CACNA1D: variants seen among roughly 807,000 people sequenced by gnomAD.
CACNA1D encodes calcium voltage-gated channel subunit alpha1 D, also known as voltage-dependent L-type calcium channel subunit alpha-1D.
A neutral mutation model predicts 257.1 loss-of-function variants in CACNA1D; 55 were observed. That is an observed-to-expected ratio of 0.21 (90% CI 0.17 to 0.27). The LOEUF (loss-of-function observed/expected upper bound fraction) is 0.27, where lower values mean the gene tolerates loss of function less well. Among genes scored for constraint, CACNA1D ranks in the 10% least tolerant of loss-of-function variants. CACNA1D has a pLI of 1.00. For missense variants in CACNA1D, 1,876 were observed against 2,784.0 expected (o/e 0.67, Z 7.34); for synonymous variants, 980 against 1,014.9 (o/e 0.97, Z 0.65).
Position 53,550,511 on chromosome 3 carries a change from C to T in CACNA1D, c.483+48791C>T, listed in dbSNP as rs184103140. ...TGGGTCAGGCACCATGTGACCTGCT[C>T]ACTGCCAGTTTCTTCTTTGAATAGA... On this transcript the variant is annotated intron_variant, in intron 3 of 47. Transcript: ENST00000350061. Among the ~76,000 whole-genome samples, 13 of 152,350 alleles carry T rather than the reference C, an allele frequency of 8.5e-5. 1 individual carries two copies. The East Asian group carries it at 1.9e-3, about 23-fold the overall frequency.
chr3:53,546,363 GTCTGAA>G (rs1471503245), intron 3 of CACNA1D, among the ~76,000 whole-genome samples: 1 of 61,630 alleles, frequency 1.6e-5, no homozygotes, highest in Non-Finnish European at 3.1e-5. Context: ...ACCTCTGTGG[GTCTGAA>G]TTTGGGGTAG....
At chr3:53,741,121 G>A (rs1205326369) in intron 21 of CACNA1D, among the ~76,000 whole-genome samples, 1 of 152,124 alleles carries the variant, frequency 6.6e-6, no homozygotes, top group East Asian at 1.9e-4. Flanking sequence ...TGCCCCATGG[G>A]GAGCCCATTC....
At chr3:53,548,371 T>TAAAA (rs869046550) in intron 3 of CACNA1D, among the ~76,000 whole-genome samples, 2 of 138,144 alleles carry the variant, frequency 1.4e-5, no homozygotes, top group African/African-American at 5.4e-5. Flanking sequence ...TTTTTTTTTT[T>TAAAA]AAAAATTATC....
At chr3:53,562,601 A>C (rs2092759824) in intron 3 of CACNA1D, among the ~76,000 whole-genome samples, 1 of 152,184 alleles carries the variant, frequency 6.6e-6, no homozygotes, top group African/African-American at 2.4e-5. Flanking sequence ...AAATTTAAAA[A>C]GCTATATGTA....
At position 53,751,745 on chromosome 3, in the gene CACNA1D, G is replaced by A. The variant is rs750767292; in HGVS notation, c.3517-4G>A. The A allele has an allele frequency of 1.2e-6, 2 of 1,614,186 alleles. No individual in the cohort carries two copies. Among genetic ancestry groups the A allele is most frequent in the Admixed American group, 1.7e-5 (1 of 60,030 alleles). On this transcript the variant is annotated splice_polypyrimidine_tract_variant and splice_region_variant and intron_variant, in intron 27 of 47. Coordinates refer to ENST00000350061, the MANE Select transcript of CACNA1D (RefSeq NM_001128840.3). The surrounding 1 kb of genome is among the most constrained non-coding windows in gnomAD (Gnocchi z 4.3). ...CCCGTTTCTGCCCTTTTCTGCTGTT[G>A]CAGCGTCAGTGTGTTGAATACGCCT...
chr3:53,769,607 G>A lies in CACNA1D; in HGVS notation c.3871-366G>A, dbSNP rs542769433. Among the ~76,000 whole-genome samples the A allele has an allele frequency of 1.1e-4, 16 of 152,350 alleles. No homozygotes were observed. The East Asian group carries it at 1.7e-3, about 17-fold the overall frequency. On this transcript the variant is annotated intron_variant, in intron 30 of 47. Transcript: ENST00000350061. ...CCTCGGGGCTAGGAGGCCTGCTGCA[G>A]AGCGGTTAGTTCCTGAGACCCACAG...
intron 18 of CACNA1D, 101 bp from the exon 19 acceptor site, chr3:53,732,714 G>A (rs1256098221): frequency 9.6e-7 from 1 of 1,046,318 alleles, no homozygotes; most frequent in Admixed American, 1.7e-5. Flanking sequence ...GCAGGTAGAT[G>A]TTGTTAAAGT....
At chr3:53,590,400 G>C (rs1374276129) in intron 3 of CACNA1D, among the ~76,000 whole-genome samples, 2 of 152,224 alleles carry the variant, frequency 1.3e-5, no homozygotes, top group Non-Finnish European at 2.9e-5. Flanking sequence ...CTTACTGTTT[G>C]TGTGCTTATC....
chr3:53,689,192 G>T (rs1291964483), intron 8 of CACNA1D, among the ~76,000 whole-genome samples: 1 of 152,122 alleles, frequency 6.6e-6, no homozygotes, highest in East Asian at 1.9e-4. Flanking sequence ...GGATGGTAAA[G>T]AAAGGAAGCA....
At chr3:53,535,321 A>T (rs1348243172) in intron 3 of CACNA1D, among the ~76,000 whole-genome samples, 1 of 152,128 alleles carries the variant, frequency 6.6e-6, no homozygotes, top group Non-Finnish European at 1.5e-5. Context: ...CCCCAAAGGG[A>T]TGTAGGGAAG....
chr3:53,805,313 A>C, intron 45 of CACNA1D, 167 bp downstream of exon 45: 2 of 657,256 alleles, frequency 3.0e-6, no homozygotes, highest in Non-Finnish European at 2.7e-6. Context: ...TTCCTTTCTC[A>C]TCCATATCTC....
intron 29 of CACNA1D, among the ~76,000 whole-genome samples, chr3:53,755,721 G>A (rs892885053): frequency 1.1e-4 from 17 of 152,102 alleles, no homozygotes; most frequent in African/African-American, 3.9e-4. Flanking sequence ...GGCCAGGGGA[G>A]GTTGAGTTTA....
chr3:53,601,992 C>T (rs1267155958), intron 3 of CACNA1D, among the ~76,000 whole-genome samples: 8 of 152,068 alleles, frequency 5.3e-5, no homozygotes, highest in South Asian at 2.1e-4. Context: ...ATTACAGGCA[C>T]GAGCCACCAC....
intron 40 of CACNA1D, among the ~76,000 whole-genome samples, chr3:53,792,764 C>A (rs2095490232): frequency 6.6e-6 from 1 of 152,168 alleles, no homozygotes; most frequent in Non-Finnish European, 1.5e-5. Flanking sequence ...CCAGTGGTGT[C>A]TTTTGTGCCT....
Position 53,713,517 on chromosome 3 carries a change from TGTGTGTGTGTGTGTGTGTGTGTGTGTGA to T in CACNA1D, c.1391-4782_1391-4755del, listed in dbSNP as rs1415126952. 8.8e-4 allele frequency among the ~76,000 whole-genome samples: 120 copies of T among 136,216 alleles called. 1 individual carries two copies. Among genetic ancestry groups the T allele is most frequent in the Middle Eastern group, 7.1e-3 (2 of 280 alleles). The allele number at this position is 136,216 out of a possible 152,430, so 89.4% of individuals were successfully genotyped here. A position where few individuals can be genotyped will look rare whatever the true frequency, so the allele number is the denominator to read the frequency against. On this transcript the variant is annotated intron_variant, in intron 9 of 47. Coordinates refer to ENST00000350061, the MANE Select transcript of CACNA1D (RefSeq NM_001128840.3). ...CTCTGTGTGTATGTGTGTGTGTGTG[TGTGTGTGTGTGTGTGTGTGTGTGTGTGA>T]GAGATTTGCCTCCAAATTCACAAGC...
intron 4 of CACNA1D, among the ~76,000 whole-genome samples, chr3:53,656,936 A>G (rs146098835): frequency 6.6e-6 from 1 of 152,338 alleles, no homozygotes; most frequent in African/African-American, 2.4e-5. Flanking sequence ...GAACAACTGG[A>G]ACTCTCATAC....
chr3:53,499,844 T>C (rs1184405708), intron 2 of CACNA1D, among the ~76,000 whole-genome samples: 1 of 152,072 alleles, frequency 6.6e-6, no homozygotes, highest in Admixed American at 6.6e-5. Flanking sequence ...TGACTTTAGA[T>C]TTCAGTGGGG....
intron 3 of CACNA1D, among the ~76,000 whole-genome samples, chr3:53,518,722 G>T (rs553985521): frequency 2.6e-5 from 4 of 152,118 alleles, no homozygotes; most frequent in Non-Finnish European, 5.9e-5. Flanking sequence ...TTGAGTATTT[G>T]TAAGAAAATC....
At chr3:53,593,128 C>T (rs2093328398) in intron 3 of CACNA1D, among the ~76,000 whole-genome samples, 1 of 152,084 alleles carries the variant, frequency 6.6e-6, no homozygotes, top group African/African-American at 2.4e-5. Context: ...AATGAAGGAA[C>T]TGAACCAGCT....
Sources: gnomAD v4.1 joint callset for allele counts (sites outside exome capture counted in the v4.1 genomes callset) on GRCh38, gnomAD v4.1.1 for gene constraint, Gnocchi (gnomAD v3.1) non-coding constraint, MANE v1.5 for transcripts, NCBI Gene and HGNC (gene_info 2026-07-23, HGNC 2026-07-21) for gene names.